The following PRKCG variants were observed in gnomAD, a reference collection of about 807,000 sequenced individuals.
PRKCG encodes protein kinase C gamma type.
A neutral mutation model predicts 82.0 loss-of-function variants in PRKCG; 28 were observed. That is an observed-to-expected ratio of 0.34 (90% CI 0.25 to 0.47). The LOEUF is 0.47. Ranked by LOEUF, PRKCG falls within the 20% of genes least tolerant of loss-of-function variation. PRKCG has a pLI of 1.00. For missense variants in PRKCG, 640 were observed against 952.7 expected (o/e 0.67, Z 4.32); for synonymous variants, 383 against 376.6 (o/e 1.02, Z -0.20).
Position 53,889,715 on chromosome 19 carries a change from C to T in PRKCG, c.363C>T (p.Leu121=), listed in dbSNP as rs1599943065. The T allele has an allele frequency of 6.2e-7, 1 of 1,614,180 alleles. No homozygotes were observed. Among genetic ancestry groups the T allele is most frequent in the Non-Finnish European group, 8.5e-7 (1 of 1,180,028 alleles). Residue 121 remains leucine (L), a synonymous_variant, in exon 4 of 18, where the codon CTC becomes CTT. Transcript: ENST00000263431. This position sits in a 1 kb window ranked among gnomAD's most constrained non-coding sequence, Gnocchi z 4.4. ...TCTGCGACCACTGTGGCTCCCTCCT[C>T]TACGGGCTTGTGCACCAGGGCATGA... ...PTFCDHCGSL[L]YGLVHQGMKC...
intron 3 of PRKCG, among the ~76,000 whole-genome samples, chr19:53,886,394 G>A (rs556040777): frequency 6.6e-5 from 10 of 151,936 alleles, no homozygotes; most frequent in African/African-American, 1.9e-4. Flanking sequence ...GTGAGCCACC[G>A]CACCCAGCCG....
In PRKCG at chr19:53,889,998, A is replaced by T; in HGVS notation, c.510A>T (p.Ala170=). Residue 170 remains alanine (A), a synonymous_variant, in exon 5 of 18, where the codon GCA becomes GCT. Transcript: ENST00000263431. This position sits in a 1 kb window ranked among gnomAD's most constrained non-coding sequence, Gnocchi z 4.4. ...AGCTGGAGATCCGGGCTCCCACAGC[A>T]GATGAGATCCACGTAACTGGTGAGG... ...RLQLEIRAPT[A]DEIHVTVGEA... is the part of the protein sequence containing the mutation. The T allele has an allele frequency of 6.4e-7, 1 of 1,567,608 alleles. No homozygotes were observed. The highest frequency in any genetic ancestry group is 8.6e-7 in the Non-Finnish European group (1 of 1,158,632).
rs189081384 is a variant in PRKCG, at chr19:53,894,267, G to A, written c.939+876G>A. 6.6e-4 allele frequency among the ~76,000 whole-genome samples: 100 copies of A among 150,948 alleles called. 1 individual carries two copies. Among genetic ancestry groups the A allele is most frequent in the Admixed American group, 1.3e-3 (19 of 15,118 alleles). ...TTTTTAGTAGAGATGGGGTTTCACC[G>A]TGTTAGCCAGGATGGTCTCGATCTC... is the stretch of plus-strand genomic sequence containing the variant. On this transcript the variant is annotated intron_variant, in intron 9 of 17. Coordinates refer to ENST00000263431, the MANE Select transcript of PRKCG (RefSeq NM_002739.5).
chr19:53,893,543 C>A, intron 9 of PRKCG, 152 bp downstream of exon 9: 1 of 855,416 alleles, frequency 1.2e-6, no homozygotes, highest in Non-Finnish European at 1.9e-6. Context: ...AATCCAGGAT[C>A]CAGAGATGAA....
chr19:53,893,145 C>A, intron 8 of PRKCG, 70 bp downstream of exon 8: 1 of 1,471,892 alleles, frequency 6.8e-7, no homozygotes, highest in Non-Finnish European at 9.4e-7. Context: ...GCCTTTCCTT[C>A]CACCCCTGAG....
At chr19:53,885,697 C>T (rs1409369485) in intron 3 of PRKCG, among the ~76,000 whole-genome samples, 1 of 151,736 alleles carries the variant, frequency 6.6e-6, no homozygotes, top group Non-Finnish European at 1.5e-5. Flanking sequence ...GAGAGAGAGG[C>T]AGAGAGAGAG....
At chr19:53,886,450 T>G (rs532463606) in intron 3 of PRKCG, among the ~76,000 whole-genome samples, 35 of 152,084 alleles carry the variant, frequency 2.3e-4, no homozygotes, top group Admixed American at 5.2e-4. Flanking sequence ...TCACCTAGAC[T>G]GGAGTACAGT....
intron 9 of PRKCG, 124 bp from the exon 10 acceptor site, chr19:53,897,835 G>T: frequency 3.0e-6 from 4 of 1,341,650 alleles, no homozygotes; most frequent in Non-Finnish European, 4.2e-6. Context: ...TAGGAGGGTG[G>T]CCATTTTCCT....
In PRKCG at chr19:53,892,636, G is replaced by T. The variant is rs2068685758; in HGVS notation, c.814G>T (p.Asp272Tyr). The change falls in exon 7 of 18, where the codon GAT (aspartate) becomes TAT (tyrosine). Residue 272 changes from aspartate (D) to tyrosine (Y), a missense_variant. This residue lies in a region of PRKCG where 261 missense variants were observed against 312.1 expected (regional missense o/e 0.84). Transcript: ENST00000263431. This position sits in a 1 kb window ranked among gnomAD's most constrained non-coding sequence, Gnocchi z 5.9. The stretch of plus-strand genomic sequence containing the variant: ...CTCGGAGCTGCTCAAGGCGCCCGTG[G>T]ATGGCTGGTGAGGAGCAGGGCTGGG... ...GVSELLKAPV[D>Y]GWYKLLNQEE... 3 of 1,611,292 alleles carry T rather than the reference G, an allele frequency of 1.9e-6. No individual in the cohort carries two copies. The highest frequency in any genetic ancestry group is 2.5e-6 in the Non-Finnish European group (3 of 1,179,768).
intron 15 of PRKCG, 152 bp downstream of exon 15, chr19:53,903,305 GT>G (rs2068778838): frequency 1.5e-6 from 1 of 679,610 alleles, no homozygotes; most frequent in Non-Finnish European, 2.7e-6. Context: ...TAGACCAGGT[GT>G]TTTGTTTTGT....
chr19:53,899,836 T>C (rs147371367), intron 11 of PRKCG, among the ~76,000 whole-genome samples: 7,417 of 152,136 alleles, frequency 0.049, 577 homozygotes, highest in African/African-American at 0.16. Flanking sequence ...ATCCACCCGC[T>C]TCGGCCTCCC....
chr19:53,882,728 C>A lies in PRKCG; in HGVS notation c.170+64C>A. 2 of 1,586,232 alleles carry A rather than the reference C, an allele frequency of 1.3e-6. No homozygotes were observed. Among genetic ancestry groups the A allele is most frequent in the African/African-American group, 1.3e-5 (1 of 74,182 alleles). Reference sequence around the variant, plus strand: ...CTAGGGGTGCAGACTCCTATCACGCCGACCCCTGTGGAAGGAAGAAGGAGG... The same window carrying A: ...CTAGGGGTGCAGACTCCTATCACGCAGACCCCTGTGGAAGGAAGAAGGAGG... On this transcript the variant is annotated intron_variant, in intron 1 of 17. Transcript: ENST00000263431. The surrounding 1 kb of genome is among the most constrained non-coding windows in gnomAD (Gnocchi z 6.1).
chr19:53,881,557 G>A (rs1164240539), upstream of PRKCG, among the ~76,000 whole-genome samples: 1 of 152,034 alleles, frequency 6.6e-6, no homozygotes, highest in African/African-American at 2.4e-5. Context: ...CCAAGACCCC[G>A]AGAAGAACCA....
At chr19:53,902,989 G>A (rs1053722920) in intron 14 of PRKCG, 84 bp from the exon 15 acceptor site, 10 of 908,232 alleles carry the variant, frequency 1.1e-5, no homozygotes, top group Admixed American at 1.7e-5. Flanking sequence ...CTTAACGTGG[G>A]TAGCGCTCCC....
intron 9 of PRKCG, among the ~76,000 whole-genome samples, chr19:53,895,506 A>G (rs865968392): frequency 4.0e-5 from 6 of 151,682 alleles, no homozygotes; most frequent in Middle Eastern, 3.4e-3. Context: ...AAAAAAAAAA[A>G]AAGAAGACAA....
upstream of PRKCG, among the ~76,000 whole-genome samples, chr19:53,882,021 G>A (rs533935856): frequency 5.6e-4 from 85 of 152,258 alleles, no homozygotes; most frequent in African/African-American, 1.9e-3. This position sits in a 1 kb window ranked among gnomAD's most constrained non-coding sequence, Gnocchi z 6.1. Context: ...GTGGTGGGGG[G>A]GAGCCAGGCT....
chr19:53,906,084 C>CCTT (rs1199099703), intron 16 of PRKCG, among the ~76,000 whole-genome samples: 1,614 of 27,730 alleles, frequency 0.058, 139 homozygotes, highest in East Asian at 0.14. Context: ...TCCTCCTCCT[C>CCTT]CTTCTTCTTC....
chr19:53,883,623 C>A lies in PRKCG; in HGVS notation c.202+429C>A. Among the ~76,000 whole-genome samples, 1 of 146,720 alleles carries A rather than the reference C, an allele frequency of 6.8e-6. No individual in the cohort carries two copies. Among genetic ancestry groups the A allele is most frequent in the Admixed American group, 6.9e-5 (1 of 14,448 alleles). ...ATGGGCGAGTGGGGGCCGGGCGGGGCCGGCAGTTCTGGGGGGCGGGAGAGG... is the reference window on the plus strand; with the variant it reads ...ATGGGCGAGTGGGGGCCGGGCGGGGACGGCAGTTCTGGGGGGCGGGAGAGG... On this transcript the variant is annotated intron_variant, in intron 2 of 17. Coordinates refer to ENST00000263431, the MANE Select transcript of PRKCG (RefSeq NM_002739.5). This position sits in a 1 kb window ranked among gnomAD's most constrained non-coding sequence, Gnocchi z 5.4.
At chr19:53,887,074 G>T (rs946849250) in intron 3 of PRKCG, among the ~76,000 whole-genome samples, 1 of 149,944 alleles carries the variant, frequency 6.7e-6, no homozygotes, top group Non-Finnish European at 1.5e-5. Flanking sequence ...TTTTGTTTTT[G>T]TTTTTTTTTG....
Sources: allele counts gnomAD v4.1 joint callset (sites outside exome capture counted in the v4.1 genomes callset), GRCh38; gene constraint gnomAD v4.1.1; regional missense constraint gnomAD v4.1.1; non-coding constraint Gnocchi (gnomAD v3.1); transcripts MANE v1.5; gene names NCBI Gene and HGNC (gene_info 2026-07-23, HGNC 2026-07-21).